Variants in TG observed in about 807,000 individuals in gnomAD.
TG encodes the protein thyroglobulin.
In TG, 270 loss-of-function variants were observed where a neutral mutation model predicts 324.7. The ratio of observed to expected loss-of-function variants is 0.83; its 90% confidence interval spans 0.75 to 0.92. TG has a LOEUF of 0.92. Among genes scored for constraint, TG ranks in the 40% least tolerant of loss-of-function variants. The pLI, the probability that TG is intolerant of heterozygous loss-of-function variation, is 0.00. For missense variants in TG, 3,591 were observed against 3,456.4 expected, an observed-to-expected ratio of 1.04 and a Z score of -0.98; for synonymous variants, 1,401 against 1,327.0, an observed-to-expected ratio of 1.06 and a Z score of -1.21.
intron 41 of TG, chr8:133,038,058 G>A (rs1202161373): frequency 1.2e-5 from 2 of 169,552 alleles, no homozygotes; most frequent in Non-Finnish European, 2.5e-5. Flanking sequence ...TTCCATTCAG[G>A]GCACCCATCT....
chr8:133,056,175 A>C (rs909134246), intron 41 of TG, among the ~76,000 whole-genome samples: 2 of 152,180 alleles, frequency 1.3e-5, no homozygotes, highest in East Asian at 3.9e-4. Context: ...AAATTAATTT[A>C]CTTAAAAAAA....
At chr8:132,998,623 G>T (rs892638084) in intron 35 of TG, among the ~76,000 whole-genome samples, 3 of 152,246 alleles carry the variant, frequency 2.0e-5, no homozygotes, top group Admixed American at 6.5e-5. Context: ...TGGATACCAT[G>T]GAGTGGGTGG....
rs1005514913 is a variant in TG, at chr8:132,885,140, C to T, written c.1076-1308C>T. On this transcript the variant is annotated intron_variant, in intron 8 of 47. Coordinates refer to ENST00000220616, the MANE Select transcript of TG (RefSeq NM_003235.5). ...AATATTTTAAAAGTTGGGGGGGGGGCGTGGTGGTTAAAAGGTAAGAGTTAT... is the reference window on the plus strand; with the variant it reads ...AATATTTTAAAAGTTGGGGGGGGGGTGTGGTGGTTAAAAGGTAAGAGTTAT... 1.2e-3 allele frequency among the ~76,000 whole-genome samples: 163 copies of T among 141,560 alleles called. 1 individual carries two copies. The highest frequency in any genetic ancestry group is 3.9e-3 in the African/African-American group (153 of 39,124). The allele number at this position is 141,560 out of a possible 152,430, so 92.9% of individuals were successfully genotyped here.
At chr8:133,096,914 G>A (rs1848503523) in intron 43 of TG, among the ~76,000 whole-genome samples, 3 of 152,208 alleles carry the variant, frequency 2.0e-5, no homozygotes, top group African/African-American at 4.8e-5. Context: ...GAGGTCTTCA[G>A]TCTGCTTGAA....
chr8:133,110,953 G>A lies in TG; in HGVS notation c.7573-2469G>A, dbSNP rs2131742948. Reference sequence around the variant, plus strand: ...CTTTGTTCACTTCATCTTCACAGGAGACAAAAACAGGGCCCATATGAATAC... The same window carrying A: ...CTTTGTTCACTTCATCTTCACAGGAAACAAAAACAGGGCCCATATGAATAC... On this transcript the variant is annotated intron_variant, in intron 43 of 47. Transcript: ENST00000220616. Among the ~76,000 whole-genome samples the A allele has an allele frequency of 1.3e-5, 2 of 152,250 alleles. 1 individual carries two copies. Among genetic ancestry groups the A allele is most frequent in the South Asian group, 4.1e-4 (2 of 4,832 alleles).
chr8:133,099,939 G>A (rs915416467), intron 43 of TG, among the ~76,000 whole-genome samples: 1 of 152,146 alleles, frequency 6.6e-6, no homozygotes, highest in African/African-American at 2.4e-5. Flanking sequence ...GAGAAGCACA[G>A]TAGCCAGAGC....
At chr8:133,030,417 G>C (rs538376412) in intron 41 of TG, among the ~76,000 whole-genome samples, 8 of 152,316 alleles carry the variant, frequency 5.3e-5, no homozygotes, top group Non-Finnish European at 8.8e-5. Context: ...TGGTGATGAG[G>C]AGGAGGATGA....
At chr8:133,024,907 G>T (rs1024617984) in intron 40 of TG, among the ~76,000 whole-genome samples, 1 of 151,384 alleles carries the variant, frequency 6.6e-6, no homozygotes, top group Non-Finnish European at 1.5e-5. Flanking sequence ...ATGATTTGGC[G>T]ATTCCTCAAA....
chr8:132,981,516 C>G (rs756269367), intron 34 of TG, among the ~76,000 whole-genome samples: 1 of 152,212 alleles, frequency 6.6e-6, no homozygotes, highest in Non-Finnish European at 1.5e-5. Flanking sequence ...CAAGTGACAA[C>G]AGGGTGACAA....
chr8:132,996,166 A>T (rs1301936495), intron 35 of TG, among the ~76,000 whole-genome samples: 1 of 152,148 alleles, frequency 6.6e-6, no homozygotes, highest in African/African-American at 2.4e-5. Flanking sequence ...CCTCTGCATG[A>T]TAGTAATTAA....
chr8:133,050,784 A>G (rs766131093), intron 41 of TG: 26 of 1,357,606 alleles, frequency 1.9e-5, no homozygotes, highest in Admixed American at 5.0e-5. Context: ...TCCTGCTTTG[A>G]AGATTGCACA....
At chr8:132,976,540 G>A (rs1830196974) in intron 34 of TG, among the ~76,000 whole-genome samples, 1 of 152,178 alleles carries the variant, frequency 6.6e-6, no homozygotes, top group Non-Finnish European at 1.5e-5. Flanking sequence ...TTGGCCTAAG[G>A]CCCAGCTCCT....
chr8:132,971,847 G>T lies in TG; in HGVS notation c.6029G>T (p.Gly2010Val), dbSNP rs951703506. 3 of 1,613,536 alleles carry T rather than the reference G, an allele frequency of 1.9e-6. No homozygotes were observed. The highest frequency in any genetic ancestry group is 2.5e-6 in the Non-Finnish European group (3 of 1,179,536). Residue 2010 changes from glycine to valine, a missense_variant, in exon 33 of 48, where the codon GGA becomes GTA. By Grantham distance (109) the Gly-to-Val change is moderately radical. Transcript: ENST00000220616. ...GCGGACCCATGCTGCACTGGCTTTG[G>T]ATTTCTAAATGTTTCCCAGTTAAAA... ...CDADPCCTGF[G>V]FLNVSQLKGG... is the part of the protein sequence containing the mutation.
At position 133,133,486 on chromosome 8, in the gene TG, T is replaced by C. The variant is rs1383783074; in HGVS notation, c.8014T>C (p.Tyr2672His). ...FIRSGNPNYP[Y>H]EFSRKVPTFA... ...TTTGCCCAGAAATCCCAACTACCCT[T>C]ATGAGTTCTCACGGAAAGTACCCAC... is the stretch of plus-strand genomic sequence containing the variant. Residue 2672 changes from tyrosine (Y) to histidine (H), a missense_variant, in exon 47 of 48, where the codon TAT (tyrosine) becomes CAT (histidine). By Grantham distance (83) the Tyr-to-His change is moderately conservative. Coordinates refer to ENST00000220616, the MANE Select transcript of TG (RefSeq NM_003235.5). The C allele has an allele frequency of 5.0e-6, 8 of 1,614,108 alleles. No individual in the cohort carries two copies. In the South Asian group the frequency reaches 8.8e-5, roughly 18 times the overall value.
intron 41 of TG, among the ~76,000 whole-genome samples, chr8:133,061,622 G>A (rs957862871): frequency 1.3e-5 from 2 of 152,180 alleles, no homozygotes; most frequent in Admixed American, 1.3e-4. Context: ...CTGCTTTGTG[G>A]GGTCAAAGAG....
intron 45 of TG, among the ~76,000 whole-genome samples, chr8:133,118,640 T>C (rs556926452): frequency 6.6e-6 from 1 of 152,234 alleles, no homozygotes; most frequent in African/African-American, 2.4e-5. Context: ...TCTTGCATTT[T>C]TATAGCACTC....
In TG at chr8:133,095,089, G is replaced by T. The variant is rs780079218; in HGVS notation, c.7285G>T (p.Ala2429Ser). ...SPAAVISHER[A>S]QQQAIALAKE... ...GGCCGCCGTCATCAGCCATGAGAGG[G>T]CTCAGCAGCAGGCAATTGCTTTGGC... Residue 2429 changes from alanine (A) to serine (S), a missense_variant, in exon 42 of 48, where the codon GCT (alanine) becomes TCT (serine). Transcript: ENST00000220616. The T allele has an allele frequency of 1.2e-6, 2 of 1,614,146 alleles. No individual in the cohort carries two copies. Among genetic ancestry groups the T allele is most frequent in the Non-Finnish European group, 1.7e-6 (2 of 1,180,030 alleles).
chr8:133,090,718 G>A (rs552342487), intron 41 of TG, among the ~76,000 whole-genome samples: 21 of 152,184 alleles, frequency 1.4e-4, no homozygotes, highest in Admixed American at 3.3e-4. Context: ...CTCTGTGAAC[G>A]CTGATCATAA....
In TG at chr8:132,917,989, G is replaced by A. The variant is rs118029701; in HGVS notation, c.4379-1387G>A. Among the ~76,000 whole-genome samples the A allele has an allele frequency of 6.8e-3, 1,031 of 151,366 alleles. 5 individuals are homozygous for A. Among genetic ancestry groups the A allele is most frequent in the Non-Finnish European group, 0.011 (756 of 67,898 alleles). ...TAAAGGATTTTCCAGTGATTTTGAG[G>A]GATTTAACTGAGGGTCAGCACCTAT... is the stretch of plus-strand genomic sequence containing the variant. On this transcript the variant is annotated intron_variant, in intron 20 of 47. Coordinates refer to ENST00000220616, the MANE Select transcript of TG (RefSeq NM_003235.5).
Sources: allele counts gnomAD v4.1 joint callset (sites outside exome capture counted in the v4.1 genomes callset), GRCh38; gene constraint gnomAD v4.1.1; transcripts MANE v1.5; gene names NCBI Gene and HGNC (gene_info 2026-07-23, HGNC 2026-07-21).